PLEKHG4B: variants seen among roughly 807,000 people sequenced by gnomAD.
The protein encoded by PLEKHG4B is pleckstrin homology and RhoGEF domain containing G4B.
In PLEKHG4B, 111 loss-of-function variants were observed where a neutral mutation model predicts 121.3. That is an observed-to-expected ratio of 0.92 (90% CI 0.78 to 1.07). The LOEUF (loss-of-function observed/expected upper bound fraction) is 1.07, where lower values mean the gene tolerates loss of function less well. PLEKHG4B is among the 50% of genes least tolerant of loss of function. The probability of loss-of-function intolerance (pLI) is 0.00; values close to 1 mark genes in which losing one functional copy is unlikely to be tolerated. For synonymous variants in PLEKHG4B, 738 were observed against 725.0 expected, an observed-to-expected ratio of 1.02 and a Z score of -0.29; for missense variants, 1,831 against 1,757.8, an observed-to-expected ratio of 1.04 and a Z score of -0.74.
intron 1 of PLEKHG4B, among the ~76,000 whole-genome samples, chr5:94,107 A>G (rs1440650471): frequency 1.3e-5 from 2 of 152,258 alleles, no homozygotes; most frequent in African/African-American, 4.8e-5. Flanking sequence ...ACACCTGCCC[A>G]GCATCTCACT....
intron 18 of PLEKHG4B, among the ~76,000 whole-genome samples, chr5:175,165 C>T (rs1736718564): frequency 6.6e-6 from 1 of 152,062 alleles, no homozygotes; most frequent in Non-Finnish European, 1.5e-5. Flanking sequence ...CTGCCCCTGC[C>T]CTGCTGGTCT....
chr5:169,600 C>CAGG lies in PLEKHG4B; in HGVS notation c.3729+9_3729+11dup. ...CGCAGTTTCCTGAGACACGTAAGTG[C>CAGG]AGGCCATGGCGTGGGTGCCGGGCAA... On this transcript the variant is annotated intron_variant, in intron 14 of 19. Coordinates refer to ENST00000637938, the MANE Select transcript of PLEKHG4B (RefSeq NM_052909.5). 1 of 1,611,666 alleles carries CAGG rather than the reference C, an allele frequency of 6.2e-7. No individual in the cohort carries two copies. The highest frequency in any genetic ancestry group is 1.1e-5 in the South Asian group (1 of 91,072).
chr5:177,373 C>T (rs550468700), intron 18 of PLEKHG4B, among the ~76,000 whole-genome samples: 3 of 152,292 alleles, frequency 2.0e-5, no homozygotes, highest in African/African-American at 7.2e-5. Flanking sequence ...AATTTATTCT[C>T]GGACTCATCA....
intron 1 of PLEKHG4B, among the ~76,000 whole-genome samples, chr5:99,167 AGTGTATATATATATAT>A (rs1264315971): frequency 1.6e-4 from 13 of 82,634 alleles, no homozygotes; most frequent in African/African-American, 6.9e-4. Context: ...AAAAAAAAAA[AGTGTATATATATATAT>A]ATATATATAT....
intron 13 of PLEKHG4B, among the ~76,000 whole-genome samples, chr5:166,475 C>CTCTGACGGGGCGGGGCTCACAGTAATCT (rs1212873395): frequency 9.6e-6 from 1 of 104,200 alleles, no homozygotes; most frequent in African/African-American, 3.7e-5. Flanking sequence ...CACACTAATG[C>CTCTGACGGGGCGGGGCTCACAGTAATCT]TCTGACGGGG....
chr5:179,128 T>A (rs532114382), intron 18 of PLEKHG4B, among the ~76,000 whole-genome samples: 1 of 152,348 alleles, frequency 6.6e-6, no homozygotes, highest in East Asian at 1.9e-4. Context: ...ACACGACACA[T>A]ACTTCTCCAT....
Position 162,969 on chromosome 5 carries a change from G to C in PLEKHG4B, c.2897G>C (p.Ser966Thr), listed in dbSNP as rs767224012. The C allele has an allele frequency of 8.3e-6, 13 of 1,565,068 alleles. No homozygotes were observed. The East Asian group carries it at 3.1e-4, about 37-fold the overall frequency. ...CTTTCTGAGGCTGCCCCAGACCCCAGCTTACCGCCCCTTGCCCAGAGCCCC... is the reference window on the plus strand; with the variant it reads ...CTTTCTGAGGCTGCCCCAGACCCCACCTTACCGCCCCTTGCCCAGAGCCCC... ...EALSEAAPDP[S>T]LPPLAQSPPK... is the part of the protein sequence containing the mutation. Residue 966 changes from serine to threonine, a missense_variant, in exon 13 of 20, where the codon AGC becomes ACC. Physicochemically the swap from Ser to Thr is moderately conservative, Grantham distance 58. Transcript: ENST00000637938.
rs1008618000 is a variant in PLEKHG4B at position 169,740 on chromosome 5, G to A, written c.3729+148G>A. On this transcript the variant is annotated intron_variant, in intron 14 of 19. Transcript: ENST00000637938. Reference sequence around the variant, plus strand: ...TGGTCCTGACAGGATGTTAAGACCAGCCGAAAAACAGATGCCCCACACGGA... The same window carrying A: ...TGGTCCTGACAGGATGTTAAGACCAACCGAAAAACAGATGCCCCACACGGA... 21 of 1,245,992 alleles carry A rather than the reference G, an allele frequency of 1.7e-5. No homozygotes were observed. The African/African-American group carries it at 2.7e-4, about 16-fold the overall frequency. 77.2% of individuals were successfully genotyped at this position (1,245,992 alleles called of 1,614,324 possible).
Position 163,031 on chromosome 5 carries a change from C to A in PLEKHG4B, c.2959C>A (p.His987Asn). 2 of 1,560,798 alleles carry A rather than the reference C, an allele frequency of 1.3e-6. No homozygotes were observed. The highest frequency in any genetic ancestry group is 2.4e-5 in the East Asian group (1 of 41,838). Residue 987 changes from histidine to asparagine, a missense_variant, in exon 13 of 20, where the codon CAC (histidine) becomes AAC (asparagine). Physicochemically the swap from His to Asn is moderately conservative, Grantham distance 68. Coordinates refer to ENST00000637938, the MANE Select transcript of PLEKHG4B (RefSeq NM_052909.5). Reference sequence around the variant, plus strand: ...GCGTGCCCAGGAGGCCATGAGGAGGCACCAGAAGCCACCCTCATTCCCCAG... The same window carrying A: ...GCGTGCCCAGGAGGCCATGAGGAGGAACCAGAAGCCACCCTCATTCCCCAG... Reference protein sequence around the residue: ...HERAQEAMRRHQKPPSFPSTD... With the variant: ...HERAQEAMRRNQKPPSFPSTD...
At chr5:142,944 A>G in intron 3 of PLEKHG4B, 103 bp from the exon 4 acceptor site, 5 of 1,103,982 alleles carry the variant, frequency 4.5e-6, no homozygotes, top group Non-Finnish European at 5.4e-6. Context: ...CCCTACTTTC[A>G]TGCGTGTTTT....
At chr5:174,496 G>C (rs1413838839) in intron 18 of PLEKHG4B, among the ~76,000 whole-genome samples, 1 of 152,136 alleles carries the variant, frequency 6.6e-6, no homozygotes, top group East Asian at 1.9e-4. Context: ...CCTTAATGCT[G>C]AGATTCAGGC....
At chr5:178,885 T>C (rs1483119377) in intron 18 of PLEKHG4B, among the ~76,000 whole-genome samples, 1 of 152,268 alleles carries the variant, frequency 6.6e-6, no homozygotes, top group Admixed American at 6.5e-5. Flanking sequence ...TGCTCCTATA[T>C]ACTTTAAATC....
At chr5:115,441 GA>G (rs1411407447) in intron 2 of PLEKHG4B, among the ~76,000 whole-genome samples, 1 of 152,218 alleles carries the variant, frequency 6.6e-6, no homozygotes. Context: ...AGCTTCAACT[GA>G]AAGTCCCCAG....
At chr5:101,888 G>A (rs1733828270) in intron 1 of PLEKHG4B, among the ~76,000 whole-genome samples, 1 of 77,518 alleles carries the variant, frequency 1.3e-5, no homozygotes, top group Non-Finnish European at 2.3e-5. Context: ...AGTCTGTAGG[G>A]GAGAGACTGT....
Position 167,080 on chromosome 5 carries a change from C to A in PLEKHG4B, c.3477-2260C>A, listed in dbSNP as rs143731558. ...TGCCGACCCCCGTGTGATTTCCAGC[C>A]TTTGCTTCCTAGTGAGTACATTGTC... On this transcript the variant is annotated intron_variant, in intron 13 of 19. Coordinates refer to ENST00000637938, the MANE Select transcript of PLEKHG4B (RefSeq NM_052909.5). Among the ~76,000 whole-genome samples, 1,475 of 152,328 alleles carry A rather than the reference C, an allele frequency of 9.7e-3. 15 individuals are homozygous for A. The highest frequency in any genetic ancestry group is 0.012 in the Non-Finnish European group (840 of 68,036).
intron 1 of PLEKHG4B, among the ~76,000 whole-genome samples, chr5:108,013 G>T (rs759068346): frequency 8.5e-5 from 13 of 152,190 alleles, no homozygotes; most frequent in Non-Finnish European, 1.5e-4. Flanking sequence ...CCTCGAAACA[G>T]AGACTACCAG....
At chr5:166,691 G>T (rs1248274468) in intron 13 of PLEKHG4B, among the ~76,000 whole-genome samples, 1 of 152,182 alleles carries the variant, frequency 6.6e-6, no homozygotes, top group Admixed American at 6.5e-5. Context: ...ACCAGTCGGT[G>T]GCCCTGGGGG....
chr5:157,416 G>A lies in PLEKHG4B; in HGVS notation c.2487+505G>A, dbSNP rs1158872704. On this transcript the variant is annotated intron_variant, in intron 11 of 19. Coordinates refer to ENST00000637938, the MANE Select transcript of PLEKHG4B (RefSeq NM_052909.5). This position sits in a 1 kb window ranked among gnomAD's most constrained non-coding sequence, Gnocchi z 4.6. ...GACAAATCGGGAGGGGGTGATGACGGAAGTGGCTTTTCATGAATTCTCTGG... is the reference window on the plus strand; with the variant it reads ...GACAAATCGGGAGGGGGTGATGACGAAAGTGGCTTTTCATGAATTCTCTGG... 6.6e-6 allele frequency among the ~76,000 whole-genome samples: 1 copy of A among 152,158 alleles called. No individual in the cohort carries two copies. The highest frequency in any genetic ancestry group is 1.5e-5 in the Non-Finnish European group (1 of 68,030).
In PLEKHG4B at chr5:140,682, C is replaced by A; in HGVS notation, c.1443C>A (p.Val481=). The change falls in exon 3 of 20, where the codon GTC becomes GTA. Residue 481 remains valine (V), a synonymous_variant. Coordinates refer to ENST00000637938, the MANE Select transcript of PLEKHG4B (RefSeq NM_052909.5). ...AAGCTGTGGGGACCCCAAACTGTGT[C>A]CCAGTAGAGGGTCCCGGCTGCACCA... ...GGQAVGTPNC[V]PVEGPGCTKE... The A allele has an allele frequency of 6.3e-7, 1 of 1,597,144 alleles. No individual in the cohort carries two copies. The highest frequency in any genetic ancestry group is 8.5e-7 in the Non-Finnish European group (1 of 1,171,618).
Sources: allele counts gnomAD v4.1 joint callset (sites outside exome capture counted in the v4.1 genomes callset), GRCh38; gene constraint gnomAD v4.1.1; non-coding constraint Gnocchi (gnomAD v3.1); transcripts MANE v1.5; gene names NCBI Gene and HGNC (gene_info 2026-07-23, HGNC 2026-07-21).